The following FANCA variants were observed in gnomAD, a reference collection of about 807,000 sequenced individuals.
The protein encoded by FANCA is FA complementation group A.
In FANCA, 236 loss-of-function variants were observed where a neutral mutation model predicts 194.3. The observed-to-expected ratio is 1.21, with a 90% CI of 1.09 to 1.35. The LOEUF (loss-of-function observed/expected upper bound fraction) is 1.35, where lower values mean the gene tolerates loss of function less well. Ranked by LOEUF, FANCA falls within the 40% of genes most tolerant of loss-of-function variation. FANCA has a pLI of 0.00. For missense variants in FANCA, 2,628 were observed against 1,813.9 expected (o/e 1.45, Z -8.15); for synonymous variants, 1,014 against 715.8 (o/e 1.42, Z -6.65).
intron 2 of FANCA, 130 bp from the exon 3 acceptor site, chr16:89,814,743 C>T (rs947614815): frequency 2.9e-6 from 2 of 678,312 alleles, no homozygotes; most frequent in Admixed American, 4.2e-5. Flanking sequence ...GAGTTCGAGA[C>T]CAGCCTGGCC....
chr16:89,752,067 G>A, intron 31 of FANCA, 71 bp downstream of exon 31: 1 of 1,396,564 alleles, frequency 7.2e-7, no homozygotes, highest in East Asian at 2.3e-5. Flanking sequence ...ACCGCGCCTG[G>A]CAATAAATAT....
chr16:89,803,178 G>C (rs34079252), intron 8 of FANCA, 81 bp downstream of exon 8: 1 of 1,304,496 alleles, frequency 7.7e-7, no homozygotes, highest in African/African-American at 1.4e-5. Context: ...CGTTTCAATA[G>C]AGAGACACGT....
chr16:89,749,731 G>A lies in FANCA; in HGVS notation c.3238C>T (p.Arg1080Trp), dbSNP rs760392231. The A allele has an allele frequency of 8.1e-6, 13 of 1,613,592 alleles. No homozygotes were observed. The highest frequency in any genetic ancestry group is 3.3e-5 in the South Asian group (3 of 90,978). The change falls in exon 32 of 43, where the codon CGG becomes TGG. Residue 1080 changes from arginine to tryptophan, a missense_variant and splice_region_variant. Arg to Trp is a moderately radical substitution (Grantham distance 101). Transcript: ENST00000389301. ...TGCCCAGGTGGTAGTAGGTGTTACCGTTTGTACATTAGCAGCTCCCTCTGT... is the reference window on the plus strand; with the variant it reads ...TGCCCAGGTGGTAGTAGGTGTTACCATTTGTACATTAGCAGCTCCCTCTGT... ...QRQRELLMYK[R>W]ILLRLPSSVL...
At chr16:89,802,262 G>A (rs986403363) in intron 8 of FANCA, among the ~76,000 whole-genome samples, 9 of 149,990 alleles carry the variant, frequency 6.0e-5, no homozygotes, top group Non-Finnish European at 1.2e-4. Context: ...CACCACGCCC[G>A]GCTATTTTTT....
chr16:89,739,972 G>A (rs1380144091), intron 39 of FANCA, 22 bp downstream of exon 39: 5 of 1,612,840 alleles, frequency 3.1e-6, no homozygotes, highest in African/African-American at 1.3e-5. Context: ...CCGCATTTGT[G>A]CCTCAGCAGC....
In FANCA at chr16:89,778,981, C is replaced by A; in HGVS notation, c.1738G>T (p.Val580Leu). The change falls in exon 19 of 43, where the codon GTG (valine) becomes TTG (leucine). Residue 580 changes from valine to leucine, a missense_variant. Val to Leu is a conservative substitution (Grantham distance 32). Transcript: ENST00000389301. ...AGCAGGGCGGGGAGGAAGTGGGACACGTAGTAAGGCCTCCTGAATATGCTG... is the reference window on the plus strand; with the variant it reads ...AGCAGGGCGGGGAGGAAGTGGGACAAGTAGTAAGGCCTCCTGAATATGCTG... ...EASIFRRPYY[V>L]SHFLPALLTP... 6.2e-7 allele frequency: 1 copy of A among 1,613,832 alleles called. No homozygotes were observed. The highest frequency in any genetic ancestry group is 8.5e-7 in the Non-Finnish European group (1 of 1,180,018).
chr16:89,778,654 A>AAG, intron 20 of FANCA, 147 bp downstream of exon 20: 2 of 681,754 alleles, frequency 2.9e-6, no homozygotes, highest in Non-Finnish European at 4.9e-6. Context: ...AAAAAAAAAA[A>AAG]AAAGTAACCA....
rs764163027 is a variant in FANCA, at chr16:89,770,569, C to T, written c.2217G>A (p.Pro739=). 22 of 1,609,064 alleles carry T rather than the reference C, an allele frequency of 1.4e-5. No individual in the cohort carries two copies. The highest frequency in any genetic ancestry group is 1.7e-4 in the Middle Eastern group (1 of 6,044). Residue 739 remains proline (P), a synonymous_variant, in exon 24 of 43, where the codon CCG becomes CCA. Coordinates refer to ENST00000389301, the MANE Select transcript of FANCA (RefSeq NM_000135.4). Reference sequence around the variant, plus strand: ...GGAGCTGCCCGCGCCTTCACCTCTCCGGGGGAGCGACACTGGAGGCAGCCA... The same window carrying T: ...GGAGCTGCCCGCGCCTTCACCTCTCTGGGGGAGCGACACTGGAGGCAGCCA... ...NLMAASSVAP[P]ERQGPWAALF... is the part of the protein sequence containing the mutation.
At chr16:89,792,864 G>T (rs1439772120) in intron 11 of FANCA, 2 of 373,370 alleles carry the variant, frequency 5.4e-6, no homozygotes, top group Admixed American at 7.4e-5. Context: ...CCACTGGATA[G>T]GGGGCCCTTC....
chr16:89,752,581 C>A (rs2038633339), intron 30 of FANCA, among the ~76,000 whole-genome samples: 2 of 152,150 alleles, frequency 1.3e-5, no homozygotes, highest in South Asian at 4.1e-4. Flanking sequence ...ATATGAATAT[C>A]ATTAATCATT....
At position 89,748,262 on chromosome 16, in the gene FANCA, C is replaced by A. The variant is rs201219936; in HGVS notation, c.3348+397G>T. ...GGGCAGTGTCTAAAATGGAAGATAA[C>A]TGGGCTGCCTGGCAGGCAACAGCGG... On this transcript the variant is annotated intron_variant, in intron 33 of 42. Transcript: ENST00000389301. Among the ~76,000 whole-genome samples the A allele has an allele frequency of 9.2e-5, 14 of 152,346 alleles. No individual in the cohort carries two copies. In the East Asian group the frequency reaches 2.3e-3, roughly 25 times the overall value.
rs576857277 is a variant in FANCA, at chr16:89,801,149, G to C, written c.793-1511C>G. 3.3e-5 allele frequency among the ~76,000 whole-genome samples: 5 copies of C among 151,988 alleles called. No individual in the cohort carries two copies. The South Asian group carries it at 1.0e-3, about 32-fold the overall frequency. Reference sequence around the variant, plus strand: ...TCATGAGATCAGAAGTTCGAGACCAGCCTGACCAACACTGTGAAAGCCCAT... The same window carrying C: ...TCATGAGATCAGAAGTTCGAGACCACCCTGACCAACACTGTGAAAGCCCAT... On this transcript the variant is annotated intron_variant, in intron 8 of 42. Coordinates refer to ENST00000389301, the MANE Select transcript of FANCA (RefSeq NM_000135.4).
At chr16:89,743,982 C>G (rs988368007) in intron 36 of FANCA, among the ~76,000 whole-genome samples, 1 of 152,106 alleles carries the variant, frequency 6.6e-6, no homozygotes, top group African/African-American at 2.4e-5. Context: ...ACTGCAACCT[C>G]CACCTCCTGG....
At chr16:89,814,269 G>A (rs140416267) in intron 3 of FANCA, among the ~76,000 whole-genome samples, 1 of 152,264 alleles carries the variant, frequency 6.6e-6, no homozygotes, top group African/African-American at 2.4e-5. Context: ...TATGTCCCAT[G>A]TTTTTCCAAG....
chr16:89,778,655 A>AAC, intron 20 of FANCA, 146 bp downstream of exon 20: 1 of 674,786 alleles, frequency 1.5e-6, no homozygotes, highest in Non-Finnish European at 2.5e-6. Context: ...AAAAAAAAAA[A>AAC]AAGTAACCAA....
intron 31 of FANCA, among the ~76,000 whole-genome samples, chr16:89,751,182 C>T (rs1020030085): frequency 9.9e-5 from 15 of 152,094 alleles, no homozygotes; most frequent in Non-Finnish European, 2.1e-4. Flanking sequence ...CATAAGCCAC[C>T]GTGCCTGGCC....
chr16:89,793,029 G>A (rs933500399), intron 11 of FANCA, among the ~76,000 whole-genome samples: 2 of 152,184 alleles, frequency 1.3e-5, no homozygotes, highest in African/African-American at 4.8e-5. Context: ...CATGAAGGTG[G>A]ACTAGGAGCG....
At chr16:89,805,758 G>A (rs940462202) in intron 6 of FANCA, among the ~76,000 whole-genome samples, 3 of 131,118 alleles carry the variant, frequency 2.3e-5, no homozygotes, top group Admixed American at 1.5e-4. Context: ...AATTTCCCTT[G>A]TGACTTCTTT....
At position 89,784,708 on chromosome 16, in the gene FANCA, T is replaced by TGGGGAAGGGGAA. The variant is rs146134541; in HGVS notation, c.1470+134_1470+145dup. On this transcript the variant is annotated intron_variant, in intron 15 of 42. Coordinates refer to ENST00000389301, the MANE Select transcript of FANCA (RefSeq NM_000135.4). The stretch of plus-strand genomic sequence containing the variant: ...TTGTGTTGTTTCACCATAAACGGCT[T>TGGGGAAGGGGAA]GGGGAAGGGGAAGGGGAAGGGGAAG... 588 of 744,456 alleles carry TGGGGAAGGGGAA rather than the reference T, an allele frequency of 7.9e-4. 1 individual carries two copies. The highest frequency in any genetic ancestry group is 1.1e-3 in the Admixed American group (59 of 53,898). The allele number at this position is 744,456 out of a possible 1,614,324, so 46.1% of individuals were successfully genotyped here. A position where few individuals can be genotyped will look rare whatever the true frequency, so the allele number is the denominator to read the frequency against.
Sources: allele counts gnomAD v4.1 joint callset (sites outside exome capture counted in the v4.1 genomes callset), GRCh38; gene constraint gnomAD v4.1.1; transcripts MANE v1.5; gene names NCBI Gene and HGNC (gene_info 2026-07-23, HGNC 2026-07-21).